The following GAREM1 variants were observed in gnomAD, a reference collection of about 807,000 sequenced individuals.
GAREM1 encodes GRB2 associated regulator of MAPK1 subtype 1, also known as GRB2-associated and regulator of MAPK protein 1.
GAREM1 carries 26 observed loss-of-function variants against 71.3 expected under a neutral mutation model. The ratio of observed to expected loss-of-function variants is 0.36; its 90% CI spans 0.27 to 0.51. The LOEUF (loss-of-function observed/expected upper bound fraction) is 0.51. Among genes scored for constraint, GAREM1 ranks in the 20% least tolerant of loss-of-function variants. The pLI is 0.95. For synonymous variants in GAREM1, 440 were observed against 433.2 expected, an observed-to-expected ratio of 1.02 and a Z score of -0.20; for missense variants, 1,026 against 1,103.1, an observed-to-expected ratio of 0.93 and a Z score of 0.99.
chr18:32,452,223 G>A (rs1442412530), intron 1 of GAREM1, among the ~76,000 whole-genome samples: 1 of 152,054 alleles, frequency 6.6e-6, no homozygotes, highest in African/African-American at 2.4e-5. Flanking sequence ...TTATAATAGA[G>A]TTCATCAAAT....
chr18:32,270,218 T>C lies in GAREM1; in HGVS notation c.1732A>G (p.Ile578Val). 1.2e-6 allele frequency: 2 copies of C among 1,613,496 alleles called. No individual in the cohort carries two copies. Among genetic ancestry groups the C allele is most frequent in the Non-Finnish European group, 1.7e-6 (2 of 1,179,796 alleles). The stretch of plus-strand genomic sequence containing the variant: ...GTGGGACCTGGCAGGAAGACTTACA[T>C]GTTGTGTAGCCCTGAAGAATAGTAG... ...LSYYSSGLHN[I>V]SVTKTDTNPS... The change falls in exon 5 of 6, where the codon ATC (isoleucine) becomes GTC (valine). Residue 578 changes from isoleucine to valine, a missense_variant and splice_region_variant. By Grantham distance (29) the Ile-to-Val change is conservative. Around this residue, in one of 3 missense-constraint regions of GAREM1, gnomAD observed 636 missense variants for 631.2 expected, o/e 1.01. Transcript: ENST00000269209.
chr18:32,387,458 T>C (rs965220793), intron 2 of GAREM1, among the ~76,000 whole-genome samples: 11 of 152,182 alleles, frequency 7.2e-5, no homozygotes, highest in African/African-American at 2.4e-4. Context: ...TTGGTAGCAA[T>C]GTGAAGTAGG....
intron 1 of GAREM1, among the ~76,000 whole-genome samples, chr18:32,418,053 C>T (rs2048481281): frequency 6.6e-6 from 1 of 152,056 alleles, no homozygotes; most frequent in African/African-American, 2.4e-5. Flanking sequence ...TACCCCATTC[C>T]AATTCTCCAC....
intron 2 of GAREM1, among the ~76,000 whole-genome samples, chr18:32,370,019 T>C (rs909992384): frequency 1.3e-5 from 2 of 152,220 alleles, no homozygotes; most frequent in Non-Finnish European, 2.9e-5. Context: ...GACAAGACTC[T>C]TAAACAGGTT....
chr18:32,439,541 A>G (rs2048713743), intron 1 of GAREM1, among the ~76,000 whole-genome samples: 3 of 152,282 alleles, frequency 2.0e-5, no homozygotes, highest in South Asian at 4.1e-4. Context: ...TAGCAGATTG[A>G]CAACCCTGCA....
intron 5 of GAREM1, among the ~76,000 whole-genome samples, chr18:32,269,778 G>A (rs571941472): frequency 6.6e-6 from 1 of 152,108 alleles, no homozygotes; most frequent in Non-Finnish European, 1.5e-5. Context: ...CAACAGTGAT[G>A]GTCAAAAGGG....
intron 2 of GAREM1, among the ~76,000 whole-genome samples, chr18:32,347,009 A>T (rs2047703610): frequency 6.6e-6 from 1 of 152,200 alleles, no homozygotes; most frequent in African/African-American, 2.4e-5. Flanking sequence ...TTGGAAACAG[A>T]ATTTGGAGAA....
At chr18:32,460,695 T>C (rs905808092) in intron 1 of GAREM1, among the ~76,000 whole-genome samples, 1 of 152,210 alleles carries the variant, frequency 6.6e-6, no homozygotes, top group African/African-American at 2.4e-5. Context: ...AGTGGCTTGT[T>C]TGCTTAGAAG....
At chr18:32,281,116 C>A (rs555663996) in intron 4 of GAREM1, among the ~76,000 whole-genome samples, 1 of 152,252 alleles carries the variant, frequency 6.6e-6, no homozygotes, top group South Asian at 2.1e-4. Context: ...TGTTATTATC[C>A]CCACAGGAAC....
At chr18:32,339,661 G>A (rs1481608676) in intron 2 of GAREM1, among the ~76,000 whole-genome samples, 2 of 152,150 alleles carry the variant, frequency 1.3e-5, no homozygotes, top group South Asian at 2.1e-4. Context: ...ATTCCTCTAC[G>A]ATGCCTTGCA....
At chr18:32,344,147 C>T (rs560917611) in intron 2 of GAREM1, among the ~76,000 whole-genome samples, 5 of 152,260 alleles carry the variant, frequency 3.3e-5, no homozygotes, top group African/African-American at 7.2e-5. Flanking sequence ...CACAGAACTG[C>T]GCTGCCTTCC....
intron 2 of GAREM1, among the ~76,000 whole-genome samples, chr18:32,375,923 G>A (rs1229624503): frequency 2.0e-5 from 3 of 152,044 alleles, no homozygotes; most frequent in Non-Finnish European, 4.4e-5. Context: ...TCACTGCTGT[G>A]CAGCCACAAG....
chr18:32,310,413 CCTT>C (rs2047307468), intron 2 of GAREM1, 90 bp from the exon 3 acceptor site: 2 of 1,339,166 alleles, frequency 1.5e-6, no homozygotes, highest in African/African-American at 1.5e-5. Flanking sequence ...TTACCCCAGC[CCTT>C]TTTTTGTCAA....
At chr18:32,296,110 G>A (rs537728405) in intron 3 of GAREM1, among the ~76,000 whole-genome samples, 5 of 151,866 alleles carry the variant, frequency 3.3e-5, no homozygotes, top group Non-Finnish European at 7.4e-5. Context: ...CTACAGGCAC[G>A]CGGCACCATG....
chr18:32,421,048 T>C (rs541523946), intron 1 of GAREM1, among the ~76,000 whole-genome samples: 2 of 152,230 alleles, frequency 1.3e-5, no homozygotes, highest in South Asian at 4.1e-4. Context: ...GGAGGGCAAT[T>C]ATGAAAGGGC....
intron 1 of GAREM1, among the ~76,000 whole-genome samples, chr18:32,446,249 T>TGTGTGTGC (rs141510183): frequency 6.6e-4 from 100 of 151,972 alleles, no homozygotes; most frequent in South Asian, 2.5e-3. Flanking sequence ...TGTGTGTGTG[T>TGTGTGTGC]GTGTATAACA....
intron 2 of GAREM1, among the ~76,000 whole-genome samples, chr18:32,385,892 T>C (rs1337080926): frequency 6.6e-6 from 1 of 152,200 alleles, no homozygotes; most frequent in African/African-American, 2.4e-5. Context: ...GTTGTGAAAG[T>C]CACATGAAAA....
chr18:32,405,694 C>T (rs533371610), intron 1 of GAREM1, among the ~76,000 whole-genome samples: 5 of 152,274 alleles, frequency 3.3e-5, no homozygotes, highest in Admixed American at 6.5e-5. Flanking sequence ...CCTGGCCTTA[C>T]CCATGAAAGC....
At chr18:32,306,200 A>G (rs1453242564) in intron 3 of GAREM1, among the ~76,000 whole-genome samples, 2 of 152,134 alleles carry the variant, frequency 1.3e-5, no homozygotes, top group Non-Finnish European at 2.9e-5. Context: ...AGCATTTGAC[A>G]CAGTTGCTCA....
Sources: allele counts gnomAD v4.1 joint callset (sites outside exome capture counted in the v4.1 genomes callset), GRCh38; gene constraint gnomAD v4.1.1; regional missense constraint gnomAD v4.1.1; transcripts MANE v1.5; gene names NCBI Gene and HGNC (gene_info 2026-07-23, HGNC 2026-07-21).